Variants in FTSJ3 observed in about 807,000 individuals in gnomAD.
FTSJ3 encodes the protein pre-rRNA 2'-O-ribose RNA methyltransferase FTSJ3.
FTSJ3 carries 46 observed loss-of-function variants against 111.5 expected under a neutral mutation model. The observed-to-expected ratio is 0.41, with a 90% CI of 0.33 to 0.53. The LOEUF (loss-of-function observed/expected upper bound fraction) is 0.53. Ranked by LOEUF, FTSJ3 falls within the 20% of genes least tolerant of loss-of-function variation. The pLI, the probability that FTSJ3 is intolerant of heterozygous loss-of-function variation, is 0.19. For missense variants in FTSJ3, 1,075 were observed against 1,063.8 expected (o/e 1.01, Z -0.15); for synonymous variants, 408 against 383.0 (o/e 1.07, Z -0.76).
At chr17:63,823,724 C>G (rs754377300) in intron 13 of FTSJ3, 93 bp downstream of exon 13, 11 of 1,425,506 alleles carry the variant, frequency 7.7e-6, no homozygotes, top group East Asian at 2.3e-5. Flanking sequence ...GCCTATCGTT[C>G]GGCAACCTAA....
At position 63,819,787 on chromosome 17, in the gene FTSJ3, G is replaced by A; in HGVS notation, c.*15C>T. 1 of 1,603,672 alleles carries A rather than the reference G, an allele frequency of 6.2e-7. No individual in the cohort carries two copies. Among genetic ancestry groups the A allele is most frequent in the African/African-American group, 1.3e-5 (1 of 74,706 alleles). ...TCCTAGTCCCCATGCTCTCCTGGGA[G>A]CCTGGCAGCTCTGCTTACTTCCGTT... On this transcript the variant is annotated 3_prime_UTR_variant, in exon 21 of 21. Coordinates refer to ENST00000427159, the MANE Select transcript of FTSJ3 (RefSeq NM_017647.4).
rs762903326 is a variant in FTSJ3 at position 63,823,956 on chromosome 17, A to AGG, written c.1155-6_1155-5dup. ...ACGCAACAGCTTCTTTTTCTTCCTG[A>AGG]GGGGGTGGATTGAGGGAGTAAAACC... On this transcript the variant is annotated splice_polypyrimidine_tract_variant and splice_region_variant and intron_variant, in intron 12 of 20. Coordinates refer to ENST00000427159, the MANE Select transcript of FTSJ3 (RefSeq NM_017647.4). The AGG allele has an allele frequency of 1.9e-6, 3 of 1,613,994 alleles. No homozygotes were observed. Among genetic ancestry groups the AGG allele is most frequent in the Non-Finnish European group, 2.5e-6 (3 of 1,180,012 alleles).
Position 63,827,347 on chromosome 17 carries a change from T to G in FTSJ3, c.-322A>C, listed in dbSNP as rs565295326. ...ACTCGAGTAGCCGCCCCTCCCATCA[T>G]GGTTCCCTTAGTGTGGTCTCGCCGC... On this transcript the variant is annotated 5_prime_UTR_variant, in exon 1 of 21. It removes an upstream start codon present in the reference 5' UTR. Coordinates refer to ENST00000427159, the MANE Select transcript of FTSJ3 (RefSeq NM_017647.4). 17 of 1,112,802 alleles carry G rather than the reference T, an allele frequency of 1.5e-5. No individual in the cohort carries two copies. In the African/African-American group the frequency reaches 2.5e-4, roughly 16 times the overall value. The allele number at this position is 1,112,802 out of a possible 1,614,324, so 68.9% of individuals were successfully genotyped here.
intron 9 of FTSJ3, 28 bp from the exon 10 acceptor site, chr17:63,824,765 G>C (rs776020939): frequency 2.5e-6 from 4 of 1,607,310 alleles, no homozygotes; most frequent in East Asian, 4.5e-5. Context: ...AAGGTGTCAG[G>C]GGAGATCCTC....
intron 9 of FTSJ3, 21 bp downstream of exon 9, chr17:63,824,804 C>G: frequency 6.2e-7 from 1 of 1,608,302 alleles, no homozygotes; most frequent in South Asian, 1.1e-5. Context: ...TACCTCATGT[C>G]CCTCAAGGCT....
At chr17:63,824,296 C>G in intron 11 of FTSJ3, 35 bp downstream of exon 11, 1 of 1,614,126 alleles carries the variant, frequency 6.2e-7, no homozygotes, top group Non-Finnish European at 8.5e-7. Flanking sequence ...CCTGGACACC[C>G]AGTCCACACC....
At chr17:63,820,984 G>A (rs374821474) in intron 17 of FTSJ3, 46 bp from the exon 18 acceptor site, 2 of 1,609,182 alleles carry the variant, frequency 1.2e-6, no homozygotes, top group East Asian at 4.5e-5. Context: ...CCAATACTGA[G>A]ACTTCCAGTG....
intron 13 of FTSJ3, among the ~76,000 whole-genome samples, chr17:63,823,131 C>T (rs1294880637): frequency 2.6e-5 from 4 of 152,182 alleles, no homozygotes; most frequent in Non-Finnish European, 5.9e-5. Context: ...AAAACATGTT[C>T]TTCAGTATTC....
chr17:63,823,359 G>T (rs2040067574), intron 13 of FTSJ3, among the ~76,000 whole-genome samples: 1 of 152,194 alleles, frequency 6.6e-6, no homozygotes, highest in African/African-American at 2.4e-5. Context: ...ACTTTGGGAG[G>T]CCGAGGTGGG....
rs928218996 is a variant in FTSJ3, at chr17:63,825,577, G to A, written c.359C>T (p.Pro120Leu). Reference protein sequence around the residue: ...KVDVVLNDGAPNVGASWVHDA... With the variant: ...KVDVVLNDGALNVGASWVHDA... ...ATGGACCCAGCTAGCCCCAACGTTGGGGGCCCCATCATTGAGCACAACATC... is the reference window on the plus strand; with the variant it reads ...ATGGACCCAGCTAGCCCCAACGTTGAGGGCCCCATCATTGAGCACAACATC... Residue 120 changes from proline to leucine, a missense_variant, in exon 6 of 21, where the codon CCC becomes CTC. Pro to Leu is a moderately conservative substitution (Grantham distance 98, BLOSUM62 -3). Transcript: ENST00000427159. 6.2e-7 allele frequency: 1 copy of A among 1,614,022 alleles called. No homozygotes were observed. Among genetic ancestry groups the A allele is most frequent in the Non-Finnish European group, 8.5e-7 (1 of 1,180,032 alleles).
At position 63,827,154 on chromosome 17, in the gene FTSJ3, C is replaced by A; in HGVS notation, c.-129G>T. On this transcript the variant is annotated 5_prime_UTR_variant, in exon 1 of 21. Transcript: ENST00000427159. ...CCTGCGTCCCTGGCTCGAGGTTTTC[C>A]GCCATTTTGAGTGTGGCCCTAGATT... 1.6e-6 allele frequency: 1 copy of A among 606,702 alleles called. No homozygotes were observed. The highest frequency in any genetic ancestry group is 2.9e-6 in the Non-Finnish European group (1 of 342,686). 37.6% of individuals were successfully genotyped at this position (606,702 alleles called of 1,614,324 possible).
chr17:63,820,712 G>A, intron 18 of FTSJ3, 127 bp downstream of exon 18: 1 of 566,586 alleles, frequency 1.8e-6, no homozygotes. Context: ...TCAGGCTGCA[G>A]TGAGCCAAGA....
rs1270052714 is a variant in FTSJ3, at chr17:63,822,019, T to G, written c.1440A>C (p.Gly480=). 3 of 1,614,208 alleles carry G rather than the reference T, an allele frequency of 1.9e-6. No individual in the cohort carries two copies. The highest frequency in any genetic ancestry group is 3.3e-5 in the Admixed American group (2 of 60,026). Residue 480 remains glycine (G), a synonymous_variant, in exon 14 of 21, where the codon GGA becomes GGC. Transcript: ENST00000427159. ...CCCTTAGACCCTGATGTCCCCTGAC[T>G]CCTGCCAGCTCCTCTGGATCCAGGT... The part of the protein sequence containing the change: ...DSDLDPEELA[G]VRGHQGLRDQ...
chr17:63,826,562 C>T lies in FTSJ3; in HGVS notation c.173+5G>A. The T allele has an allele frequency of 6.2e-7, 1 of 1,611,262 alleles. No homozygotes were observed. The highest frequency in any genetic ancestry group is 8.5e-7 in the Non-Finnish European group (1 of 1,177,546). ...CAGGAGCAACCTGTGGCGAGTGTTA[C>T]GAACCATCCCCCTGGCGCAGCACAC... is the stretch of plus-strand genomic sequence containing the variant. On this transcript the variant is annotated splice_donor_5th_base_variant and intron_variant, in intron 3 of 20. Transcript: ENST00000427159.
chr17:63,821,232 G>A (rs745527371), intron 16 of FTSJ3, 117 bp from the exon 17 acceptor site: 124 of 1,511,920 alleles, frequency 8.2e-5, no homozygotes, highest in Non-Finnish European at 1.0e-4. Context: ...GTTAAATCAG[G>A]ATCGTCAGTA....
chr17:63,825,923 T>C (rs976212619), intron 5 of FTSJ3, 133 bp downstream of exon 5: 7 of 746,108 alleles, frequency 9.4e-6, no homozygotes, highest in Non-Finnish European at 1.4e-5. Context: ...ACGAATGCCA[T>C]AGGTCTTGTC....
Position 63,822,045 on chromosome 17 carries a change from C to T in FTSJ3, c.1414G>A (p.Asp472Asn), listed in dbSNP as rs756678526. 3 of 1,614,164 alleles carry T rather than the reference C, an allele frequency of 1.9e-6. No individual in the cohort carries two copies. The South Asian group carries it at 3.3e-5, about 18-fold the overall frequency. Residue 472 changes from aspartate to asparagine, a missense_variant, in exon 14 of 21, where the codon GAC becomes AAC. Coordinates refer to ENST00000427159, the MANE Select transcript of FTSJ3 (RefSeq NM_017647.4). ...CCTGCCAGCTCCTCTGGATCCAGGT[C>T]ACTATCCAGAGATGTGTCATCACCG... ...DDGDDTSLDSDLDPEELAGVR... is the reference protein window; with the variant it reads ...DDGDDTSLDSNLDPEELAGVR...
At chr17:63,822,215 C>T (rs773196841) in intron 13 of FTSJ3, 47 bp from the exon 14 acceptor site, 12 of 1,546,142 alleles carry the variant, frequency 7.8e-6, no homozygotes, top group Non-Finnish European at 7.1e-6. Context: ...AGGAAATATA[C>T]TGTTTTTTTT....
Position 63,825,378 on chromosome 17 carries a change from G to A in FTSJ3, c.459C>T (p.Ser153=). The A allele has an allele frequency of 1.2e-6, 2 of 1,614,200 alleles. No homozygotes were observed. Among genetic ancestry groups the A allele is most frequent in the South Asian group, 2.2e-5 (2 of 91,086 alleles). The stretch of plus-strand genomic sequence containing the variant: ...GAGAACGGAAAACCTTTGTGATGAA[G>A]CTGCCACCACGGGCCAAAAAGTCAC... ...LACDFLARGG[S]FITKVFRSRD... Residue 153 remains serine, a synonymous_variant, in exon 7 of 21, where the codon AGC becomes AGT. Coordinates refer to ENST00000427159, the MANE Select transcript of FTSJ3 (RefSeq NM_017647.4).
Sources: gnomAD v4.1 joint callset for allele counts (sites outside exome capture counted in the v4.1 genomes callset) on GRCh38, gnomAD v4.1.1 for gene constraint, MANE v1.5 for transcripts, NCBI Gene and HGNC (gene_info 2026-07-23, HGNC 2026-07-21) for gene names.